The following TTBK1 variants were observed in gnomAD, a reference collection of about 807,000 sequenced individuals.
The protein encoded by TTBK1 is tau-tubulin kinase 1.
Under a neutral mutation model 108.5 loss-of-function variants are expected in TTBK1, and 34 were observed. That is an observed-to-expected ratio of 0.31 (90% CI 0.24 to 0.42). The LOEUF is 0.42. TTBK1 is among the 10% of genes least tolerant of loss of function. TTBK1 has a pLI of 1.00. For synonymous variants in TTBK1, 809 were observed against 795.1 expected, an observed-to-expected ratio of 1.02 and a Z score of -0.29; for missense variants, 1,539 against 1,826.0, an observed-to-expected ratio of 0.84 and a Z score of 2.86.
intron 13 of TTBK1, chr6:43,271,373 T>C (rs938979713): frequency 1.0e-6 from 1 of 985,098 alleles, no homozygotes; most frequent in Non-Finnish European, 1.2e-6. Context: ...GGAAGTGCCA[T>C]TTACATAGAC....
chr6:43,256,572 C>T (rs1777387505), intron 9 of TTBK1, among the ~76,000 whole-genome samples: 2 of 152,072 alleles, frequency 1.3e-5, no homozygotes, highest in Admixed American at 6.5e-5. Context: ...AACCCTGTTT[C>T]TACTAAAAAT....
chr6:43,270,965 G>A (rs1777819596), intron 13 of TTBK1: 2 of 985,490 alleles, frequency 2.0e-6, no homozygotes, highest in African/African-American at 1.7e-5. Context: ...AGACACAGCA[G>A]AAGAGAGGCA....
chr6:43,258,939 C>T, intron 10 of TTBK1, 99 bp from the exon 11 acceptor site: 1 of 837,122 alleles, frequency 1.2e-6, no homozygotes, highest in Non-Finnish European at 1.9e-6. Flanking sequence ...TGTGCCCGCT[C>T]CTGGGGGTGG....
chr6:43,276,948 G>A lies in TTBK1; in HGVS notation c.1987-5779G>A, dbSNP rs1327602464. On this transcript the variant is annotated intron_variant, in intron 13 of 14. Transcript: ENST00000259750. This position sits in a 1 kb window ranked among gnomAD's most constrained non-coding sequence, Gnocchi z 5.4. ...CACTGAACGGGTGGGGAGGGAAGGG[G>A]TGAGTGGACTCTGGTCTCTGGGACT... is the stretch of plus-strand genomic sequence containing the variant. Among the ~76,000 whole-genome samples the A allele has an allele frequency of 6.6e-6, 1 of 152,124 alleles. No individual in the cohort carries two copies. The highest frequency in any genetic ancestry group is 6.5e-5 in the Admixed American group (1 of 15,282).
chr6:43,270,296 C>A (rs1248719807), intron 13 of TTBK1: 4 of 1,098,768 alleles, frequency 3.6e-6, no homozygotes, highest in Non-Finnish European at 4.4e-6. Context: ...GGAGATGAGG[C>A]CTGCAGGGCC....
At position 43,283,041 on chromosome 6, in the gene TTBK1, A is replaced by G. The variant is rs1449597289; in HGVS notation, c.2301A>G (p.Glu767=). 1 of 1,591,052 alleles carries G rather than the reference A, an allele frequency of 6.3e-7. No individual in the cohort carries two copies. The highest frequency in any genetic ancestry group is 2.3e-5 in the East Asian group (1 of 43,826). The part of the protein sequence containing the change: ...EEEEEEEEEE[E]EEEEAAAAVA... ...AGGAGGAAGAAGAGGAGGAGGAGGA[A>G]GAGGAGGAGGAGGCTGCAGCGGCAG... The change falls in exon 14 of 15, where the codon GAA becomes GAG. Residue 767 remains glutamate, a synonymous_variant. Coordinates refer to ENST00000259750, the MANE Select transcript of TTBK1 (RefSeq NM_032538.3). This position sits in a 1 kb window ranked among gnomAD's most constrained non-coding sequence, Gnocchi z 8.1.
intron 13 of TTBK1, chr6:43,270,872 A>G (rs1777817101): frequency 5.1e-6 from 5 of 985,400 alleles, no homozygotes; most frequent in Non-Finnish European, 6.0e-6. Context: ...GACAAATCCC[A>G]GGCGGGAGCA....
At chr6:43,266,618 T>A (rs937389707) in intron 13 of TTBK1, among the ~76,000 whole-genome samples, 3 of 152,018 alleles carry the variant, frequency 2.0e-5, no homozygotes, top group African/African-American at 4.8e-5. Flanking sequence ...TGTGAATTTT[T>A]TTTTTTTCTT....
chr6:43,253,229 CT>C lies in TTBK1; in HGVS notation c.257-60del. 6.3e-7 allele frequency: 1 copy of C among 1,579,292 alleles called. No homozygotes were observed. Among genetic ancestry groups the C allele is most frequent in the Non-Finnish European group, 8.7e-7 (1 of 1,148,688 alleles). On this transcript the variant is annotated intron_variant, in intron 3 of 14. Transcript: ENST00000259750. This position sits in a 1 kb window ranked among gnomAD's most constrained non-coding sequence, Gnocchi z 5.8. Reference sequence around the variant, plus strand: ...AATCAAGAGTGCACTAGGAACCCATCTTAGGGTTGGAAATGAGGAAGAAAGA... The same window carrying C: ...AATCAAGAGTGCACTAGGAACCCATCTAGGGTTGGAAATGAGGAAGAAAGA...
At chr6:43,246,900 G>A in intron 2 of TTBK1, 132 bp downstream of exon 2, 1 of 628,858 alleles carries the variant, frequency 1.6e-6, no homozygotes, top group Non-Finnish European at 2.7e-6. Context: ...TTTGCATACT[G>A]CTTGCATGTC....
In TTBK1 at chr6:43,269,722, C is replaced by T; in HGVS notation, c.1986+6372C>T. Reference sequence around the variant, plus strand: ...CGACTGGCGTCCTCCGTGTTCTCCTCCTCCACGCTGGAGACGGAGCATTAC... The same window carrying T: ...CGACTGGCGTCCTCCGTGTTCTCCTTCTCCACGCTGGAGACGGAGCATTAC... On this transcript the variant is annotated intron_variant, in intron 13 of 14. Transcript: ENST00000259750. The surrounding 1 kb of genome is among the most constrained non-coding windows in gnomAD (Gnocchi z 4.8). 1 of 1,609,994 alleles carries T rather than the reference C, an allele frequency of 6.2e-7. No homozygotes were observed. The highest frequency in any genetic ancestry group is 8.5e-7 in the Non-Finnish European group (1 of 1,179,558).
At chr6:43,270,465 G>A in intron 13 of TTBK1, 1 of 984,918 alleles carries the variant, frequency 1.0e-6, no homozygotes, top group Non-Finnish European at 1.2e-6. Context: ...GTGTCCCTGT[G>A]TATGGATGGA....
rs1488361803 is a variant in TTBK1, at chr6:43,255,848, G to A, written c.853G>A (p.Asp285Asn). The A allele has an allele frequency of 1.2e-5, 19 of 1,613,954 alleles. No homozygotes were observed. Among genetic ancestry groups the A allele is most frequent in the East Asian group, 4.5e-5 (2 of 44,884 alleles). ...IASLDYFTKP[D>N]YQLIMSVFEN... ...CAGCCTCGACTACTTCACCAAGCCC[G>A]ACTACCAGGTGGGAGCCTGCTACCC... The change falls in exon 9 of 15, where the codon GAC becomes AAC. Residue 285 changes from aspartate to asparagine, a missense_variant. By Grantham distance (23) the Asp-to-Asn change is conservative (BLOSUM62 1). Coordinates refer to ENST00000259750, the MANE Select transcript of TTBK1 (RefSeq NM_032538.3).
Position 43,259,107 on chromosome 6 carries a change from G to A in TTBK1, c.1086G>A (p.Glu362=). The A allele has an allele frequency of 1.2e-6, 2 of 1,614,176 alleles. No homozygotes were observed. Among genetic ancestry groups the A allele is most frequent in the Non-Finnish European group, 8.5e-7 (1 of 1,180,008 alleles). ...ACACCGAGGATGTGCTACAGGGAGAGCACCTGAGTGACCAGGAGAATGCAC... is the reference window on the plus strand; with the variant it reads ...ACACCGAGGATGTGCTACAGGGAGAACACCTGAGTGACCAGGAGAATGCAC... ...RENTEDVLQG[E]HLSDQENAPP... is the part of the protein sequence containing the mutation. The change falls in exon 11 of 15, where the codon GAG becomes GAA. Residue 362 remains glutamate, a synonymous_variant. Transcript: ENST00000259750. This position sits in a 1 kb window ranked among gnomAD's most constrained non-coding sequence, Gnocchi z 6.7.
Position 43,243,908 on chromosome 6 carries a change from C to G in TTBK1, c.-55+200C>G, listed in dbSNP as rs1582466240. Reference sequence around the variant, plus strand: ...CCGCTCCCTGTCCCCAGCACACAGACCTCCCTCCCCAACCCGTCCTCCGGG... The same window carrying G: ...CCGCTCCCTGTCCCCAGCACACAGAGCTCCCTCCCCAACCCGTCCTCCGGG... On this transcript the variant is annotated intron_variant, in intron 1 of 14. Coordinates refer to ENST00000259750, the MANE Select transcript of TTBK1 (RefSeq NM_032538.3). The surrounding 1 kb of genome is among the most constrained non-coding windows in gnomAD (Gnocchi z 5.5). 2.0e-5 allele frequency among the ~76,000 whole-genome samples: 3 copies of G among 152,240 alleles called. No homozygotes were observed. In the South Asian group the frequency reaches 6.2e-4, roughly 32 times the overall value.
In TTBK1 at chr6:43,262,891, T is replaced by A; in HGVS notation, c.1527T>A (p.Ser509Arg). 1 of 1,613,634 alleles carries A rather than the reference T, an allele frequency of 6.2e-7. No homozygotes were observed. Among genetic ancestry groups the A allele is most frequent in the Non-Finnish European group, 8.5e-7 (1 of 1,179,848 alleles). ...VDTGHADRQA[S>R]GRMDVSASVE... is the part of the protein sequence containing the mutation. ...CAGGCCACGCTGACCGACAGGCCAG[T>A]GGCCGCATGGACGTGTCAGCCTCTG... The change falls in exon 13 of 15, where the codon AGT (serine) becomes AGA (arginine). Residue 509 changes from serine (S) to arginine (R), a missense_variant. Ser to Arg is a moderately radical substitution (Grantham distance 110, BLOSUM62 -1). Coordinates refer to ENST00000259750, the MANE Select transcript of TTBK1 (RefSeq NM_032538.3).
intron 13 of TTBK1, chr6:43,271,474 C>T (rs1017415562): frequency 1.7e-5 from 17 of 985,420 alleles, no homozygotes; most frequent in Non-Finnish European, 2.0e-5. Flanking sequence ...GATGTCTATG[C>T]AGTCATTGGT....
intron 13 of TTBK1, among the ~76,000 whole-genome samples, chr6:43,277,416 AG>A (rs1280806421): frequency 6.6e-6 from 1 of 152,098 alleles, no homozygotes; most frequent in Non-Finnish European, 1.5e-5. Context: ...TAAAAGAGGA[AG>A]GCCCCCCCAT....
intron 13 of TTBK1, among the ~76,000 whole-genome samples, chr6:43,281,733 G>A (rs1778168944): frequency 6.6e-6 from 1 of 152,184 alleles, no homozygotes; most frequent in Non-Finnish European, 1.5e-5. Context: ...AGCCCAGCGT[G>A]TTCGAAAATG....
Sources: allele counts gnomAD v4.1 joint callset (sites outside exome capture counted in the v4.1 genomes callset), GRCh38; gene constraint gnomAD v4.1.1; non-coding constraint Gnocchi (gnomAD v3.1); transcripts MANE v1.5; gene names NCBI Gene and HGNC (gene_info 2026-07-23, HGNC 2026-07-21).